KLHL21: variants seen among roughly 807,000 people sequenced by gnomAD.
KLHL21 encodes kelch-like protein 21.
In KLHL21, 42 loss-of-function variants were observed where a neutral mutation model predicts 44.1. The observed-to-expected ratio is 0.95, with a 90% CI of 0.74 to 1.23. The LOEUF (loss-of-function observed/expected upper bound fraction) is 1.23. KLHL21 is among the 50% of genes most tolerant of loss of function. The pLI is 0.00. For synonymous variants in KLHL21, 524 were observed against 411.6 expected (o/e 1.27, Z -3.31); for missense variants, 918 against 889.1 (o/e 1.03, Z -0.41).
chr1:6,593,711 G>T (rs1244570157), intron 3 of KLHL21, 53 bp from the exon 4 acceptor site: 1 of 1,502,894 alleles, frequency 6.7e-7, no homozygotes, highest in Non-Finnish European at 8.9e-7. Context: ...GTAGGGCAGG[G>T]CCCCACCTGG....
rs1027970365 is a variant in KLHL21 at position 6,602,827 on chromosome 1, G to A, written c.-10C>T. ...GCGCCGGTCGCTCCATGGCGCCTTCGATAGGTTGTCGAGGACGCCGCGGCC... is the reference window on the plus strand; with the variant it reads ...GCGCCGGTCGCTCCATGGCGCCTTCAATAGGTTGTCGAGGACGCCGCGGCC... On this transcript the variant is annotated 5_prime_UTR_variant, in exon 1 of 4. Transcript: ENST00000377658. 22 of 1,417,124 alleles carry A rather than the reference G, an allele frequency of 1.6e-5. No homozygotes were observed. The highest frequency in any genetic ancestry group is 1.9e-5 in the Non-Finnish European group (21 of 1,095,284). 87.8% of individuals were successfully genotyped at this position (1,417,124 alleles called of 1,614,324 possible).
rs187380239 is a variant in KLHL21, at chr1:6,600,103, C to T, written c.1022-651G>A. On this transcript the variant is annotated intron_variant, in intron 1 of 3. Transcript: ENST00000377658. ...CTCTGTCACCCAGACTGGAGTGCAG[C>T]GGCATGATCTCAGCTTACTGCAACC... is the stretch of plus-strand genomic sequence containing the variant. Among the ~76,000 whole-genome samples the T allele has an allele frequency of 5.9e-3, 901 of 152,042 alleles. 17 individuals carry two copies. Among genetic ancestry groups the T allele is most frequent in the African/African-American group, 0.02 (846 of 41,444 alleles).
chr1:6,601,792 C>A lies in KLHL21; in HGVS notation c.1021+5G>T. 6.4e-7 allele frequency: 1 copy of A among 1,565,562 alleles called. No individual in the cohort carries two copies. The highest frequency in any genetic ancestry group is 8.7e-7 in the Non-Finnish European group (1 of 1,152,750). ...GAGAGCCTGCCCAGCCCCTGGCCCA[C>A]TCACCCGTCACGTAGATGTCATTGC... On this transcript the variant is annotated splice_donor_5th_base_variant and intron_variant, in intron 1 of 3. Coordinates refer to ENST00000377658, the MANE Select transcript of KLHL21 (RefSeq NM_014851.4).
rs763221418 is a variant in KLHL21 at position 6,602,611 on chromosome 1, C to G, written c.207G>C (p.Leu69=). 3.3e-6 allele frequency: 5 copies of G among 1,522,398 alleles called. No homozygotes were observed. Among genetic ancestry groups the G allele is most frequent in the Non-Finnish European group, 4.4e-6 (5 of 1,140,316 alleles). 94.3% of individuals were successfully genotyped at this position (1,522,398 alleles called of 1,614,324 possible). A position where few individuals can be genotyped will look rare whatever the true frequency, so the allele number is the denominator to read the frequency against. ...GCACCCGCTCGGCGCGGCTCTCGCG[C>G]AGCTGCCCCGCGAACATGGCGCGGA... The part of the protein sequence containing the change: ...PYFRAMFAGQ[L]RESRAERVRL... Residue 69 remains leucine (L), a synonymous_variant, in exon 1 of 4, where the codon CTG becomes CTC. Coordinates refer to ENST00000377658, the MANE Select transcript of KLHL21 (RefSeq NM_014851.4).
At chr1:6,596,253 G>A (rs1388618158) in intron 2 of KLHL21, among the ~76,000 whole-genome samples, 1 of 152,136 alleles carries the variant, frequency 6.6e-6, no homozygotes, top group Non-Finnish European at 1.5e-5. Flanking sequence ...ACAAAAATTA[G>A]CCAGGTGTGG....
chr1:6,593,737 A>G, intron 3 of KLHL21, 79 bp from the exon 4 acceptor site: 3 of 1,476,512 alleles, frequency 2.0e-6, no homozygotes, highest in Non-Finnish European at 2.7e-6. Flanking sequence ...CACTGGAGAC[A>G]AGGCATGCCC....
intron 3 of KLHL21, 71 bp from the exon 4 acceptor site, chr1:6,593,729 C>G (rs1465735641): frequency 6.7e-7 from 1 of 1,486,944 alleles, no homozygotes; most frequent in African/African-American, 1.4e-5. Context: ...TGGGGAACCA[C>G]TGGAGACAAG....
rs771664109 is a variant in KLHL21, at chr1:6,599,278, G to T, written c.1196C>A (p.Thr399Asn). ...ADSTERYDHT[T>N]DSWEALQPMT... is the part of the protein sequence containing the mutation. ...GGGCTGCAGGGCCTCCCAGGAGTCA[G>T]TGGTGTGGTCATAGCGCTCGGTGCT... The change falls in exon 2 of 4, where the codon ACT becomes AAT. Residue 399 changes from threonine (T) to asparagine (N), a missense_variant. Physicochemically the swap from Thr to Asn is moderately conservative, Grantham distance 65 (BLOSUM62 0). Coordinates refer to ENST00000377658, the MANE Select transcript of KLHL21 (RefSeq NM_014851.4). 2 of 1,614,098 alleles carry T rather than the reference G, an allele frequency of 1.2e-6. No homozygotes were observed. Among genetic ancestry groups the T allele is most frequent in the Admixed American group, 1.7e-5 (1 of 60,032 alleles).
At position 6,599,374 on chromosome 1, in the gene KLHL21, G is replaced by C; in HGVS notation, c.1100C>G (p.Pro367Arg). The change falls in exon 2 of 4, where the codon CCC becomes CGC. Residue 367 changes from proline (P) to arginine (R), a missense_variant. Pro to Arg is a moderately radical substitution (Grantham distance 103). Coordinates refer to ENST00000377658, the MANE Select transcript of KLHL21 (RefSeq NM_014851.4). Reference protein sequence around the residue: ...SSVNEWAEVAPMLKAREYHSS... With the variant: ...SSVNEWAEVARMLKAREYHSS... Reference sequence around the variant, plus strand: ...GTGGTACTCGCGGGCCTTCAGCATGGGCGCCACCTCCGCCCACTCATTCAC... The same window carrying C: ...GTGGTACTCGCGGGCCTTCAGCATGCGCGCCACCTCCGCCCACTCATTCAC... 1 of 1,613,712 alleles carries C rather than the reference G, an allele frequency of 6.2e-7. No individual in the cohort carries two copies. Among genetic ancestry groups the C allele is most frequent in the Non-Finnish European group, 8.5e-7 (1 of 1,180,014 alleles).
At chr1:6,595,618 G>A in intron 2 of KLHL21, 61 bp from the exon 3 acceptor site, 4 of 1,443,542 alleles carry the variant, frequency 2.8e-6, no homozygotes, top group Middle Eastern at 2.4e-4. Context: ...ACACATGCAG[G>A]GCTGGAGCAG....
chr1:6,602,485 G>C lies in KLHL21; in HGVS notation c.333C>G (p.Arg111=). 3.2e-6 allele frequency: 5 copies of C among 1,555,592 alleles called. No individual in the cohort carries two copies. Among genetic ancestry groups the C allele is most frequent in the Non-Finnish European group, 4.3e-6 (5 of 1,157,098 alleles). The change falls in exon 1 of 4, where the codon CGC becomes CGG. Residue 111 remains arginine, a synonymous_variant. Transcript: ENST00000377658. ...VSGDNAEPLL[R]AADLLQFPAV... ...CCGGGAACTGCAGCAGGTCGGCGGC[G>C]CGCAGCAGCGGCTCAGCGTTGTCGC...
chr1:6,593,644 G>GC lies in KLHL21; in HGVS notation c.1514dup (p.Ser506GlnfsTer20). ...GCTTCCCCCCAAGGACGGCCAGGCTGCCCCCCACATGTACCTGTGGGCCAA... is the reference window on the plus strand; with the variant it reads ...GCTTCCCCCCAAGGACGGCCAGGCTGCCCCCCCACATGTACCTGTGGGCCAA... On this transcript the variant is annotated frameshift_variant, in exon 4 of 4. Coordinates refer to ENST00000377658, the MANE Select transcript of KLHL21 (RefSeq NM_014851.4). LOFTEE classifies it high-confidence loss of function. The GC allele has an allele frequency of 6.3e-7, 1 of 1,580,876 alleles. No individual in the cohort carries two copies.
In KLHL21 at chr1:6,591,185, G is replaced by A. The variant is rs1397348445; in HGVS notation, c.*2180C>T. On this transcript the variant is annotated 3_prime_UTR_variant, in exon 4 of 4. Coordinates refer to ENST00000377658, the MANE Select transcript of KLHL21 (RefSeq NM_014851.4). ...GGCTAGAGGGACCCATTGCTGCAGA[G>A]GCTGGTGCCTGGTTTTCCCCATACT... 3 of 394,460 alleles carry A rather than the reference G, an allele frequency of 7.6e-6. No homozygotes were observed. Among genetic ancestry groups the A allele is most frequent in the Non-Finnish European group, 1.3e-5 (3 of 223,986 alleles). 24.4% of individuals were successfully genotyped at this position (394,460 alleles called of 1,614,324 possible).
intron 2 of KLHL21, among the ~76,000 whole-genome samples, chr1:6,598,356 G>A (rs916061335): frequency 6.6e-6 from 1 of 151,392 alleles, no homozygotes; most frequent in Non-Finnish European, 1.5e-5. Context: ...GATCACATGA[G>A]GTCAGGAGTT....
chr1:6,601,444 C>T (rs1477746869), intron 1 of KLHL21, among the ~76,000 whole-genome samples: 1 of 152,266 alleles, frequency 6.6e-6, no homozygotes, highest in East Asian at 1.9e-4. Context: ...GCCTCCTGCC[C>T]GTCCCTGGAT....
rs759589185 is a variant in KLHL21, at chr1:6,593,843, G to A, written c.1501-185C>T. Reference sequence around the variant, plus strand: ...CCTGCCTAGGAGAACGGGCCTCCCCGGAGGCAGCTGGGCCTTCCCTATGGT... The same window carrying A: ...CCTGCCTAGGAGAACGGGCCTCCCCAGAGGCAGCTGGGCCTTCCCTATGGT... On this transcript the variant is annotated intron_variant, in intron 3 of 3. Coordinates refer to ENST00000377658, the MANE Select transcript of KLHL21 (RefSeq NM_014851.4). The A allele has an allele frequency of 2.8e-4, 377 of 1,367,874 alleles. 1 individual carries two copies. The highest frequency in any genetic ancestry group is 3.4e-4 in the Non-Finnish European group (356 of 1,060,962). 84.7% of individuals were successfully genotyped at this position (1,367,874 alleles called of 1,614,324 possible). A position where few individuals can be genotyped will look rare whatever the true frequency, so the allele number is the denominator to read the frequency against.
rs1157739732 is a variant in KLHL21, at chr1:6,591,237, C to G, written c.*2128G>C. 2.7e-6 allele frequency: 1 copy of G among 375,256 alleles called. No individual in the cohort carries two copies. Among genetic ancestry groups the G allele is most frequent in the African/African-American group, 2.1e-5 (1 of 48,228 alleles). 23.2% of individuals were successfully genotyped at this position (375,256 alleles called of 1,614,324 possible). A position where few individuals can be genotyped will look rare whatever the true frequency, so the allele number is the denominator to read the frequency against. On this transcript the variant is annotated 3_prime_UTR_variant, in exon 4 of 4. Coordinates refer to ENST00000377658, the MANE Select transcript of KLHL21 (RefSeq NM_014851.4). ...GGTCTTCTAAACCCAAAGACAGGGT[C>G]CTGATGGTGGAGACCTGGGTAGGTC...
intron 2 of KLHL21, among the ~76,000 whole-genome samples, chr1:6,595,957 C>A (rs750450682): frequency 2.6e-5 from 4 of 152,194 alleles, no homozygotes; most frequent in Non-Finnish European, 5.9e-5. Flanking sequence ...ACACTCCTTG[C>A]CACTGTCCCC....
At position 6,602,450 on chromosome 1, in the gene KLHL21, T is replaced by A; in HGVS notation, c.368A>T (p.Glu123Val). The A allele has an allele frequency of 6.3e-7, 1 of 1,585,274 alleles. No homozygotes were observed. Among genetic ancestry groups the A allele is most frequent in the Non-Finnish European group, 8.5e-7 (1 of 1,171,470 alleles). Residue 123 changes from glutamate (E) to valine (V), a missense_variant, in exon 1 of 4, where the codon GAG becomes GTG. Coordinates refer to ENST00000377658, the MANE Select transcript of KLHL21 (RefSeq NM_014851.4). ...ADLLQFPAVK[E>V]ACGAFLQQQL... ...CTGCTGCAGGAAGGCCCCGCACGCC[T>A]CCTTCACGGCCGGGAACTGCAGCAG...
Sources: allele counts gnomAD v4.1 joint callset (sites outside exome capture counted in the v4.1 genomes callset), GRCh38; gene constraint gnomAD v4.1.1; transcripts MANE v1.5; gene names NCBI Gene and HGNC (gene_info 2026-07-23, HGNC 2026-07-21).